The following MLLT3 variants were observed in gnomAD, a reference collection of about 807,000 sequenced individuals.
MLLT3 encodes the protein MLLT3 super elongation complex subunit, also known as protein AF-9.
Under a neutral mutation model 53.2 loss-of-function variants are expected in MLLT3, and 4 were observed. That is an observed-to-expected ratio of 0.08 (90% CI 0.04 to 0.17). The LOEUF is 0.17. Among genes scored for constraint, MLLT3 ranks in the 10% least tolerant of loss-of-function variants. The pLI, the probability that MLLT3 is intolerant of heterozygous loss-of-function variation, is 1.00. For synonymous variants in MLLT3, 283 were observed against 230.6 expected (o/e 1.23, Z -2.06); for missense variants, 569 against 684.0 (o/e 0.83, Z 1.87).
intron 2 of MLLT3, among the ~76,000 whole-genome samples, chr9:20,553,588 T>C (rs1286940322): frequency 1.3e-5 from 2 of 152,230 alleles, no homozygotes; most frequent in African/African-American, 4.8e-5. Flanking sequence ...ATCCTGCTCA[T>C]TATCTTGCCT....
intron 4 of MLLT3, among the ~76,000 whole-genome samples, chr9:20,433,060 A>G (rs1823316752): frequency 6.6e-6 from 1 of 151,932 alleles, no homozygotes; most frequent in African/African-American, 2.4e-5. Flanking sequence ...TGCCCCCTTA[A>G]CAATTCAGTC....
At chr9:20,507,092 G>A (rs1018198300) in intron 2 of MLLT3, among the ~76,000 whole-genome samples, 2 of 152,198 alleles carry the variant, frequency 1.3e-5, no homozygotes, top group African/African-American at 4.8e-5. Flanking sequence ...ATGCGAAAGT[G>A]AGTAGTAAAT....
intron 2 of MLLT3, among the ~76,000 whole-genome samples, chr9:20,487,710 G>A (rs1385690603): frequency 1.3e-5 from 2 of 152,104 alleles, no homozygotes; most frequent in Non-Finnish European, 1.5e-5. Flanking sequence ...AAGCAACCTT[G>A]TGGTATGTGA....
intron 2 of MLLT3, among the ~76,000 whole-genome samples, chr9:20,522,028 C>CTTTT (rs1818075725): frequency 6.8e-6 from 1 of 146,826 alleles, no homozygotes; most frequent in African/African-American, 2.5e-5. Context: ...TTTTAACACT[C>CTTTT]TGAAATATGT....
At chr9:20,407,347 G>A (rs762364423) in intron 5 of MLLT3, among the ~76,000 whole-genome samples, 1 of 152,180 alleles carries the variant, frequency 6.6e-6, no homozygotes, top group Non-Finnish European at 1.5e-5. Flanking sequence ...CTAGACCCAA[G>A]AGAGTCAGTT....
chr9:20,443,999 A>G (rs1326947703), intron 4 of MLLT3, among the ~76,000 whole-genome samples: 1 of 152,222 alleles, frequency 6.6e-6, no homozygotes, highest in East Asian at 1.9e-4. Flanking sequence ...AGTTAGTAGA[A>G]TAATAAATTT....
chr9:20,406,448 C>G (rs965488787), intron 5 of MLLT3, among the ~76,000 whole-genome samples: 1 of 152,154 alleles, frequency 6.6e-6, no homozygotes, highest in Non-Finnish European at 1.5e-5. Flanking sequence ...ATATTACAAA[C>G]CATTAAACAC....
intron 2 of MLLT3, among the ~76,000 whole-genome samples, chr9:20,463,277 G>A (rs950949060): frequency 5.3e-5 from 8 of 151,558 alleles, no homozygotes; most frequent in African/African-American, 1.5e-4. Flanking sequence ...CTCTTTCAAG[G>A]GGGTGGGGGG....
At chr9:20,429,154 G>A (rs901087132) in intron 4 of MLLT3, among the ~76,000 whole-genome samples, 1 of 152,096 alleles carries the variant, frequency 6.6e-6, no homozygotes, top group East Asian at 1.9e-4. Flanking sequence ...GCTCTCTTGA[G>A]GCCAGAAGTT....
chr9:20,464,337 T>C (rs1440392904), intron 2 of MLLT3, among the ~76,000 whole-genome samples: 1 of 152,178 alleles, frequency 6.6e-6, no homozygotes, highest in Non-Finnish European at 1.5e-5. Context: ...CTGCTCAGTC[T>C]AACCAGAGAC....
chr9:20,493,424 A>C (rs2118926034), intron 2 of MLLT3, among the ~76,000 whole-genome samples: 1 of 152,150 alleles, frequency 6.6e-6, no homozygotes, highest in South Asian at 2.1e-4. Flanking sequence ...ACACTCAGGA[A>C]GGGTTAGTAT....
chr9:20,412,813 T>C (rs1007009851), intron 5 of MLLT3, among the ~76,000 whole-genome samples: 1 of 152,220 alleles, frequency 6.6e-6, no homozygotes, highest in Non-Finnish European at 1.5e-5. Flanking sequence ...TTCAAAGTAA[T>C]GTTTATTCTT....
Position 20,354,814 on chromosome 9 carries a change from A to G in MLLT3, c.1497T>C (p.Cys499=). 6.2e-7 allele frequency: 1 copy of G among 1,608,872 alleles called. No individual in the cohort carries two copies. Among genetic ancestry groups the G allele is most frequent in the Non-Finnish European group, 8.5e-7 (1 of 1,175,534 alleles). ...KSDKQIKNGE[C]DKAYLDELVE... is the part of the protein sequence containing the mutation. ...TAACAGACTAGAAACCTACCTTGTC[A>G]CATTCACCATTCTTTATTTGCTTAT... Residue 499 remains cysteine (C), a synonymous_variant, in exon 9 of 11, where the codon TGT becomes TGC. Transcript: ENST00000380338.
intron 2 of MLLT3, among the ~76,000 whole-genome samples, chr9:20,548,372 C>T (rs1818843086): frequency 6.6e-6 from 1 of 152,194 alleles, no homozygotes; most frequent in Admixed American, 6.5e-5. Flanking sequence ...TGAGATTAAC[C>T]TCCTCCGCAA....
chr9:20,364,739 CA>C (rs1821407273), intron 6 of MLLT3, among the ~76,000 whole-genome samples: 1 of 152,120 alleles, frequency 6.6e-6, no homozygotes, highest in South Asian at 2.1e-4. Flanking sequence ...TAATCCTTTT[CA>C]AAACATTCAA....
chr9:20,521,326 C>A (rs1818051782), intron 2 of MLLT3, among the ~76,000 whole-genome samples: 1 of 152,164 alleles, frequency 6.6e-6, no homozygotes, highest in Admixed American at 6.5e-5. Flanking sequence ...CCACCTTGGC[C>A]TCCCAAAGTG....
chr9:20,602,587 G>C (rs1231692886), intron 2 of MLLT3, among the ~76,000 whole-genome samples: 6 of 152,140 alleles, frequency 3.9e-5, no homozygotes, highest in African/African-American at 7.2e-5. Flanking sequence ...AGGAGTGACA[G>C]TCAAACTATT....
intron 4 of MLLT3, 105 bp from the exon 5 acceptor site, chr9:20,414,530 C>A: frequency 1.3e-6 from 2 of 1,507,916 alleles, no homozygotes; most frequent in South Asian, 1.2e-5. Context: ...CTCAAGCTAT[C>A]ATTAAAATAC....
chr9:20,610,219 G>T (rs943339974), intron 2 of MLLT3, among the ~76,000 whole-genome samples: 15 of 152,086 alleles, frequency 9.9e-5, no homozygotes, highest in African/African-American at 3.1e-4. Flanking sequence ...AAGCTAAAAG[G>T]CTGGTTGTAT....
Sources: allele counts gnomAD v4.1 joint callset (sites outside exome capture counted in the v4.1 genomes callset), GRCh38; gene constraint gnomAD v4.1.1; transcripts MANE v1.5; gene names NCBI Gene and HGNC (gene_info 2026-07-23, HGNC 2026-07-21).